The following GANC variants were observed in gnomAD, a reference collection of about 807,000 sequenced individuals.
GANC encodes neutral alpha-glucosidase C.
A neutral mutation model predicts 124.2 loss-of-function variants in GANC; 117 were observed. The observed-to-expected ratio is 0.94, with a 90% CI of 0.81 to 1.10. GANC has a LOEUF of 1.10. Ranked by LOEUF, GANC falls within the 50% of genes least tolerant of loss-of-function variation. The pLI is 0.00. For missense variants in GANC, 1,140 were observed against 1,095.0 expected, an observed-to-expected ratio of 1.04 and a Z score of -0.58; for synonymous variants, 377 against 376.8, an observed-to-expected ratio of 1.00 and a Z score of -0.01.
rs778368073 is a variant in GANC at position 42,352,105 on chromosome 15, A to G, written c.2711A>G (p.Asn904Ser). 6.2e-6 allele frequency: 10 copies of G among 1,614,042 alleles called. No homozygotes were observed. The highest frequency in any genetic ancestry group is 3.3e-5 in the Admixed American group (2 of 59,992). Residue 904 changes from asparagine (N) to serine (S), a missense_variant, in exon 24 of 24, where the codon AAC (asparagine) becomes AGC (serine). Physicochemically the swap from Asn to Ser is conservative, Grantham distance 46. Transcript: ENST00000318010. The part of the protein sequence containing the change: ...SILSLEKLSL[N>S]IATDWEVRII ...CTGAGCCTGGAGAAGCTCTCACTCAACATTGCCACTGACTGGGAGGTCCGC... is the reference window on the plus strand; with the variant it reads ...CTGAGCCTGGAGAAGCTCTCACTCAGCATTGCCACTGACTGGGAGGTCCGC...
chr15:42,287,115 T>G (rs2051796631), intron 3 of GANC, among the ~76,000 whole-genome samples: 1 of 152,256 alleles, frequency 6.6e-6, no homozygotes. Flanking sequence ...CAGCCTCTTG[T>G]AAAAGTTCCC....
chr15:42,284,815 T>C (rs2051771155), intron 3 of GANC, among the ~76,000 whole-genome samples: 1 of 152,180 alleles, frequency 6.6e-6, no homozygotes, highest in Non-Finnish European at 1.5e-5. Context: ...ATGTCTTAAA[T>C]ACTTCTAAGG....
At position 42,274,161 on chromosome 15, in the gene GANC, C is replaced by A; in HGVS notation, c.-321C>A. The A allele has an allele frequency of 3.3e-6, 1 of 298,522 alleles. No homozygotes were observed. The highest frequency in any genetic ancestry group is 6.2e-6 in the Non-Finnish European group (1 of 160,340). 18.5% of individuals were successfully genotyped at this position (298,522 alleles called of 1,614,324 possible). On this transcript the variant is annotated 5_prime_UTR_variant, in exon 1 of 24. Transcript: ENST00000318010. ...GGTTCTTAACGCTCTTGATTTTTAC[C>A]CTCTAGGACTCATTGCGTACACGCC...
At chr15:42,303,844 G>A (rs1365086283) in intron 6 of GANC, among the ~76,000 whole-genome samples, 1 of 152,130 alleles carries the variant, frequency 6.6e-6, no homozygotes, top group East Asian at 1.9e-4. Flanking sequence ...GGAGCACCCA[G>A]ATTCATAAAG....
At chr15:42,284,063 A>G (rs2051761994) in intron 3 of GANC, 1 of 694,112 alleles carries the variant, frequency 1.4e-6, no homozygotes, top group African/African-American at 1.8e-5. Flanking sequence ...AGAGGTGGCC[A>G]CTCACTGTTC....
intron 15 of GANC, among the ~76,000 whole-genome samples, chr15:42,336,150 GA>G (rs1034705058): frequency 2.2e-4 from 28 of 125,004 alleles, no homozygotes; most frequent in East Asian, 1.2e-3. Context: ...AAAAAAAAAA[GA>G]AAAAAAAAAG....
chr15:42,329,734 C>A (rs2052227335), intron 14 of GANC, among the ~76,000 whole-genome samples: 1 of 152,194 alleles, frequency 6.6e-6, no homozygotes, highest in African/African-American at 2.4e-5. Context: ...GTGGCACTCA[C>A]TGGCCACTAC....
chr15:42,338,282 T>G, intron 15 of GANC, 107 bp from the exon 16 acceptor site: 1 of 582,272 alleles, frequency 1.7e-6, no homozygotes, highest in South Asian at 3.1e-5. Context: ...GGCAAGAAAT[T>G]GGTTTTCCTT....
intron 7 of GANC, among the ~76,000 whole-genome samples, chr15:42,307,225 CCAT>C (rs1477874013): frequency 3.3e-5 from 5 of 152,154 alleles, no homozygotes. Context: ...CCCATTCTAG[CCAT>C]CATTATCTAT....
At chr15:42,302,128 C>A (rs552680976) in intron 6 of GANC, among the ~76,000 whole-genome samples, 1 of 152,254 alleles carries the variant, frequency 6.6e-6, no homozygotes, top group African/African-American at 2.4e-5. Context: ...TGCGGGTGCC[C>A]CTCTGGGACT....
At chr15:42,281,555 C>T (rs1353608650) in intron 3 of GANC, among the ~76,000 whole-genome samples, 2 of 152,000 alleles carry the variant, frequency 1.3e-5, no homozygotes, top group African/African-American at 4.8e-5. Flanking sequence ...CAGGGTGATG[C>T]ATGCCTGTAA....
At chr15:42,350,054 G>T (rs1486386214) in intron 22 of GANC, among the ~76,000 whole-genome samples, 2 of 105,936 alleles carry the variant, frequency 1.9e-5, no homozygotes, top group African/African-American at 7.3e-5. Context: ...TTTTGAGATG[G>T]AGTTTCACTC....
At chr15:42,289,977 A>C (rs2051825895) in intron 4 of GANC, among the ~76,000 whole-genome samples, 1 of 152,232 alleles carries the variant, frequency 6.6e-6, no homozygotes, top group Non-Finnish European at 1.5e-5. Context: ...CAAGCCCAGG[A>C]AATAGGCCTC....
intron 20 of GANC, among the ~76,000 whole-genome samples, chr15:42,347,533 G>A (rs1024212820): frequency 2.6e-5 from 4 of 152,154 alleles, no homozygotes; most frequent in Admixed American, 6.5e-5. Context: ...CAGTTTCACA[G>A]ATTTACCCTC....
chr15:42,295,836 C>T (rs1206832775), intron 5 of GANC, among the ~76,000 whole-genome samples: 1 of 152,052 alleles, frequency 6.6e-6, no homozygotes, highest in Non-Finnish European at 1.5e-5. Flanking sequence ...TAGACTCATA[C>T]ACGCATTAAA....
At chr15:42,325,242 C>T (rs945111137) in intron 11 of GANC, among the ~76,000 whole-genome samples, 6 of 151,752 alleles carry the variant, frequency 4.0e-5, no homozygotes, top group African/African-American at 1.5e-4. Context: ...CACTGCACTC[C>T]AGCCTGGGCG....
chr15:42,331,194 A>G (rs1044829453), intron 15 of GANC, among the ~76,000 whole-genome samples: 6 of 152,236 alleles, frequency 3.9e-5, no homozygotes, highest in African/African-American at 1.4e-4. Context: ...CAGAATAAAC[A>G]AATTTTAGTC....
chr15:42,329,164 C>T, intron 13 of GANC, 142 bp from the exon 14 acceptor site: 1 of 792,838 alleles, frequency 1.3e-6, no homozygotes, highest in Non-Finnish European at 2.0e-6. Flanking sequence ...ATGTTGTTCC[C>T]TGTGGAACTT....
chr15:42,324,072 C>G (rs781405697), intron 11 of GANC, among the ~76,000 whole-genome samples: 35 of 151,622 alleles, frequency 2.3e-4, no homozygotes, highest in Non-Finnish European at 3.8e-4. Flanking sequence ...ATAACAAACT[C>G]CTACAACTCA....
Sources: gnomAD v4.1 joint callset for allele counts (sites outside exome capture counted in the v4.1 genomes callset) on GRCh38, gnomAD v4.1.1 for gene constraint, MANE v1.5 for transcripts, NCBI Gene and HGNC (gene_info 2026-07-23, HGNC 2026-07-21) for gene names.